Variants in PLS1 observed in about 807,000 individuals in gnomAD.
PLS1 encodes plastin 1.
PLS1 carries 32 observed loss-of-function variants against 73.7 expected under a neutral mutation model. The observed-to-expected ratio is 0.43, with a 90% CI of 0.33 to 0.58. The LOEUF (loss-of-function observed/expected upper bound fraction) is 0.58, where lower values mean the gene tolerates loss of function less well. Among genes scored for constraint, PLS1 ranks in the 20% least tolerant of loss-of-function variants. The pLI is 0.04. For missense variants in PLS1, 633 were observed against 740.5 expected (o/e 0.85, Z 1.68); for synonymous variants, 217 against 261.3 (o/e 0.83, Z 1.63).
intron 8 of PLS1, among the ~76,000 whole-genome samples, chr3:142,685,467 A>C (rs529224783): frequency 6.6e-6 from 1 of 152,084 alleles, no homozygotes; most frequent in Non-Finnish European, 1.5e-5. Context: ...TCTGCTTCAC[A>C]TGGTTTTGGC....
chr3:142,677,936 G>T (rs1054591175), intron 5 of PLS1, 96 bp from the exon 6 acceptor site: 40 of 589,800 alleles, frequency 6.8e-5, no homozygotes, highest in Non-Finnish European at 1.2e-4. Flanking sequence ...GTAATGAATT[G>T]TTATTTTCAA....
chr3:142,622,744 T>G (rs2036340108), intron 1 of PLS1, among the ~76,000 whole-genome samples: 1 of 152,236 alleles, frequency 6.6e-6, no homozygotes, highest in South Asian at 2.1e-4. Context: ...ATCTTCTGGT[T>G]TTAACGCTGT....
At chr3:142,652,010 G>A (rs2037105606) in intron 1 of PLS1, among the ~76,000 whole-genome samples, 3 of 152,092 alleles carry the variant, frequency 2.0e-5, no homozygotes, top group Admixed American at 2.0e-4. Flanking sequence ...ATTTCCAGGG[G>A]GTAGGCATTA....
intron 1 of PLS1, among the ~76,000 whole-genome samples, chr3:142,623,717 A>G (rs1359317100): frequency 1.3e-5 from 2 of 152,192 alleles, no homozygotes; most frequent in Admixed American, 1.3e-4. Context: ...TGCATAATCA[A>G]TGTAAATAGG....
chr3:142,655,466 A>G lies in PLS1; in HGVS notation c.-36-8736A>G, dbSNP rs142788505. On this transcript the variant is annotated intron_variant, in intron 1 of 15. Coordinates refer to ENST00000457734, the MANE Select transcript of PLS1 (RefSeq NM_001145319.2). ...CCGGGCACCGTGGCTCATGCCTGTA[A>G]TCCCAGCACTTTGGGAGGCTGAGGT... Among the ~76,000 whole-genome samples the G allele has an allele frequency of 2.5e-3, 380 of 152,206 alleles. 2 individuals carry two copies. Among genetic ancestry groups the G allele is most frequent in the African/African-American group, 8.7e-3 (361 of 41,526 alleles).
At chr3:142,673,914 C>T (rs1053312050) in intron 4 of PLS1, 1 of 152,242 alleles carries the variant, frequency 6.6e-6, no homozygotes, top group African/African-American at 2.4e-5. Flanking sequence ...CTCACCAACA[C>T]TTGTTTTTGT....
At position 142,683,991 on chromosome 3, in the gene PLS1, T is replaced by C. The variant is rs754197384; in HGVS notation, c.580-15T>C. Reference sequence around the variant, plus strand: ...AAGGACTTCCTCATGTGTACTTTTTTTTTTGGCAATTCAGGAAAATTTAAA... The same window carrying C: ...AAGGACTTCCTCATGTGTACTTTTTCTTTTGGCAATTCAGGAAAATTTAAA... On this transcript the variant is annotated splice_polypyrimidine_tract_variant and intron_variant, in intron 6 of 15. Coordinates refer to ENST00000457734, the MANE Select transcript of PLS1 (RefSeq NM_001145319.2). 1.9e-6 allele frequency: 3 copies of C among 1,589,320 alleles called. No individual in the cohort carries two copies. The African/African-American group carries it at 4.1e-5, about 22-fold the overall frequency.
chr3:142,690,196 G>A (rs2038058329), intron 10 of PLS1, among the ~76,000 whole-genome samples: 2 of 151,952 alleles, frequency 1.3e-5, no homozygotes, highest in African/African-American at 4.8e-5. Flanking sequence ...AAGGTTTTTA[G>A]TGTACATGAA....
intron 1 of PLS1, among the ~76,000 whole-genome samples, chr3:142,640,334 A>G (rs904593980): frequency 1.3e-5 from 2 of 152,198 alleles, no homozygotes; most frequent in African/African-American, 4.8e-5. Context: ...TCAAGCAACA[A>G]CTATGGATAA....
chr3:142,709,711 G>T (rs1007829537), intron 14 of PLS1, among the ~76,000 whole-genome samples: 2 of 152,022 alleles, frequency 1.3e-5, no homozygotes, highest in African/African-American at 4.8e-5. Flanking sequence ...CAGCTACTCA[G>T]GAGGCTGAGG....
At chr3:142,680,396 T>C (rs1488964136) in intron 6 of PLS1, among the ~76,000 whole-genome samples, 1 of 152,128 alleles carries the variant, frequency 6.6e-6, no homozygotes, top group Admixed American at 6.5e-5. Flanking sequence ...AAAAATTCAG[T>C]TGGATTTTGT....
chr3:142,617,129 ATGT>A (rs1487214431), intron 1 of PLS1, among the ~76,000 whole-genome samples: 1 of 150,620 alleles, frequency 6.6e-6, no homozygotes, highest in African/African-American at 2.5e-5. Flanking sequence ...CATTTCTAAA[ATGT>A]TGTGATTAGG....
At chr3:142,649,892 C>T (rs3736561) in intron 1 of PLS1, among the ~76,000 whole-genome samples, 93,871 of 151,382 alleles carry the variant, frequency 0.62, 29,499 homozygotes, top group African/African-American at 0.66. Flanking sequence ...TATAAACTTA[C>T]TTGGAAAGTA....
At chr3:142,645,794 A>G (rs1451077517) in intron 1 of PLS1, among the ~76,000 whole-genome samples, 1 of 152,260 alleles carries the variant, frequency 6.6e-6, no homozygotes, top group Non-Finnish European at 1.5e-5. Context: ...GGAAAAAAAT[A>G]TGATTTAAAA....
At chr3:142,675,219 A>C (rs751854813) in intron 4 of PLS1, among the ~76,000 whole-genome samples, 1 of 152,162 alleles carries the variant, frequency 6.6e-6, no homozygotes, top group Admixed American at 6.5e-5. Flanking sequence ...TTTAATTAAC[A>C]TATACATATT....
intron 1 of PLS1, among the ~76,000 whole-genome samples, chr3:142,663,564 T>A (rs373339421): frequency 2.0e-5 from 3 of 152,224 alleles, no homozygotes; most frequent in South Asian, 4.1e-4. Flanking sequence ...CTGGGTACAG[T>A]GGCACATGCC....
At chr3:142,604,227 G>A (rs1214821628) in intron 1 of PLS1, among the ~76,000 whole-genome samples, 1 of 152,188 alleles carries the variant, frequency 6.6e-6, no homozygotes, top group Non-Finnish European at 1.5e-5. Flanking sequence ...TGGACCAAGG[G>A]CTGCTTGGAA....
At chr3:142,604,700 C>G (rs1320269670) in intron 1 of PLS1, among the ~76,000 whole-genome samples, 1 of 152,140 alleles carries the variant, frequency 6.6e-6, no homozygotes, top group Non-Finnish European at 1.5e-5. Flanking sequence ...TTTGGGAGGC[C>G]GAGGCAGGCG....
chr3:142,671,084 C>T lies in PLS1; in HGVS notation c.326C>T (p.Ser109Leu). ...REGITAIGGT[S>L]TISSEGTQHS... The stretch of plus-strand genomic sequence containing the variant: ...GGGATTACTGCTATTGGAGGAACTT[C>T]AACTATTTCCAGTGAGGGCACACAG... The change falls in exon 4 of 16, where the codon TCA becomes TTA. Residue 109 changes from serine to leucine, a missense_variant. Physicochemically the swap from Ser to Leu is moderately radical, Grantham distance 145. Transcript: ENST00000457734. 1 of 1,611,202 alleles carries T rather than the reference C, an allele frequency of 6.2e-7. No homozygotes were observed. Among genetic ancestry groups the T allele is most frequent in the Admixed American group, 1.7e-5 (1 of 59,920 alleles).
Sources: allele counts gnomAD v4.1 joint callset (sites outside exome capture counted in the v4.1 genomes callset), GRCh38; gene constraint gnomAD v4.1.1; transcripts MANE v1.5; gene names NCBI Gene and HGNC (gene_info 2026-07-23, HGNC 2026-07-21).